CAPN12: variants seen among roughly 807,000 people sequenced by gnomAD.
The protein encoded by CAPN12 is calpain 12.
Under a neutral mutation model 95.0 loss-of-function variants are expected in CAPN12, and 107 were observed. That is an observed-to-expected ratio of 1.13 (90% CI 0.96 to 1.32). The LOEUF (loss-of-function observed/expected upper bound fraction) is 1.32, where lower values mean the gene tolerates loss of function less well. Among genes scored for constraint, CAPN12 ranks in the 40% most tolerant of loss-of-function variants. The pLI, the probability that CAPN12 is intolerant of heterozygous loss-of-function variation, is 0.00. For missense variants in CAPN12, 1,136 were observed against 997.8 expected (o/e 1.14, Z -1.87); for synonymous variants, 505 against 415.5 (o/e 1.22, Z -2.62).
In CAPN12 at chr19:38,730,606, C is replaced by CACT; in HGVS notation, c.*243_*245dup. ...TCTAGGAGAGCCAGGGCAGAGCTAGCACTGTCTTAAGCTGTCAACGTGGAC... is the reference window on the plus strand; with the variant it reads ...TCTAGGAGAGCCAGGGCAGAGCTAGCACTACTGTCTTAAGCTGTCAACGTGGAC... On this transcript the variant is annotated 3_prime_UTR_variant, in exon 21 of 21. Transcript: ENST00000328867. 3 of 591,622 alleles carry CACT rather than the reference C, an allele frequency of 5.1e-6. No individual in the cohort carries two copies. In the South Asian group the frequency reaches 6.0e-5, roughly 12 times the overall value. The allele number at this position is 591,622 out of a possible 1,614,324, so 36.6% of individuals were successfully genotyped here. A position where few individuals can be genotyped will look rare whatever the true frequency, so the allele number is the denominator to read the frequency against.
rs1365159112 is a variant in CAPN12 at position 38,742,974 on chromosome 19, T to A, written c.307+59A>T. ...GTGGGTGGACAAAGGGATGGAGCTG[T>A]CAGGATCTCAGCTGAAACTAGCTGG... On this transcript the variant is annotated intron_variant, in intron 2 of 20. Transcript: ENST00000328867. 5.8e-6 allele frequency: 9 copies of A among 1,543,434 alleles called. No homozygotes were observed. In the East Asian group the frequency reaches 2.0e-4, roughly 35 times the overall value.
intron 3 of CAPN12, chr19:38,742,187 A>G (rs1970584304): frequency 1.6e-6 from 1 of 616,116 alleles, no homozygotes; most frequent in Non-Finnish European, 2.8e-6. Context: ...TTAGCTGGGC[A>G]TGATGGCGGG....
Position 38,736,616 on chromosome 19 carries a change from T to TCGGGGCAGGGGAGAGAGGGGCGTCGGGG in CAPN12, c.1363-54_1363-53insCCCCGACGCCCCTCTCTCCCCTGCCCCG, listed in dbSNP as rs1555849494. 1.2e-4 allele frequency: 162 copies of TCGGGGCAGGGGAGAGAGGGGCGTCGGGG among 1,408,484 alleles called. 3 individuals are homozygous for TCGGGGCAGGGGAGAGAGGGGCGTCGGGG. Among genetic ancestry groups the TCGGGGCAGGGGAGAGAGGGGCGTCGGGG allele is most frequent in the East Asian group, 2.5e-4 (10 of 39,446 alleles). The allele number at this position is 1,408,484 out of a possible 1,614,324, so 87.2% of individuals were successfully genotyped here. Reference sequence around the variant, plus strand: ...GGGGCAGGGGAGAGGTGGCCGCCGCTCAGGGTCTCCTCCCTGCCCCTTCTC... The same window carrying TCGGGGCAGGGGAGAGAGGGGCGTCGGGG: ...GGGGCAGGGGAGAGGTGGCCGCCGCTCGGGGCAGGGGAGAGAGGGGCGTCGGGGCAGGGTCTCCTCCCTGCCCCTTCTC... On this transcript the variant is annotated intron_variant, in intron 10 of 20. Transcript: ENST00000328867.
intron 7 of CAPN12, 31 bp from the exon 8 acceptor site, chr19:38,738,378 G>C (rs1011547555): frequency 1.2e-5 from 20 of 1,611,360 alleles, no homozygotes; most frequent in Non-Finnish European, 1.6e-5. Flanking sequence ...GGGGCGGGCA[G>C]GTGGGGTCCA....
chr19:38,736,680 C>T (rs957072831), intron 10 of CAPN12, 117 bp from the exon 11 acceptor site: 5 of 1,254,264 alleles, frequency 4.0e-6, no homozygotes, highest in Admixed American at 2.6e-5. Flanking sequence ...TCCTATTAGA[C>T]CCTTATTGAA....
chr19:38,737,889 CA>C (rs370352391), intron 8 of CAPN12, among the ~76,000 whole-genome samples: 1 of 152,112 alleles, frequency 6.6e-6, no homozygotes, highest in African/African-American at 2.4e-5. Flanking sequence ...CACCAACCCC[CA>C]AATAGCAAGA....
chr19:38,739,775 T>C, intron 5 of CAPN12: 1 of 313,280 alleles, frequency 3.2e-6, no homozygotes. Context: ...TGGGGGATCC[T>C]TTTATGCCCA....
chr19:38,742,056 T>A, intron 3 of CAPN12, 146 bp from the exon 4 acceptor site: 1 of 1,235,698 alleles, frequency 8.1e-7, no homozygotes, highest in Non-Finnish European at 1.1e-6. Context: ...CCGGGTGCGG[T>A]GGCTCACATC....
At chr19:38,731,350 C>G (rs1465541517) in intron 18 of CAPN12, 127 bp from the exon 19 acceptor site, 1 of 715,962 alleles carries the variant, frequency 1.4e-6, no homozygotes, top group Non-Finnish European at 2.5e-6. Context: ...TGCCCCATCC[C>G]GGCAGGGTGA....
At chr19:38,743,238 AGTT>A in intron 1 of CAPN12, 136 bp from the exon 2 acceptor site, 1 of 937,790 alleles carries the variant, frequency 1.1e-6, no homozygotes. Flanking sequence ...GGTCTCCAGA[AGTT>A]GTGCTGAGCC....
Position 38,736,258 on chromosome 19 carries a change from C to G in CAPN12, c.1435G>C (p.Asp479His). ...HALLPRLLRA[D>H]RSPLSARRDV... ...CGGCGGGCGCTGAGGGGCGAGCGGT[C>G]GGCGCGCAGCAGCCGGGGCAGGAGC... Residue 479 changes from aspartate (D) to histidine (H), a missense_variant, in exon 12 of 21, where the codon GAC becomes CAC. By Grantham distance (81) the Asp-to-His change is moderately conservative. Coordinates refer to ENST00000328867, the MANE Select transcript of CAPN12 (RefSeq NM_144691.4). The G allele has an allele frequency of 6.8e-7, 1 of 1,464,236 alleles. No individual in the cohort carries two copies. The highest frequency in any genetic ancestry group is 9.0e-7 in the Non-Finnish European group (1 of 1,117,006). 90.7% of individuals were successfully genotyped at this position (1,464,236 alleles called of 1,614,324 possible).
chr19:38,735,139 G>C (rs553663695), intron 14 of CAPN12: 1 of 601,902 alleles, frequency 1.7e-6, no homozygotes, highest in African/African-American at 1.9e-5. Context: ...ACCTGAGCCT[G>C]GCTGGAGGTG....
chr19:38,743,893 TCAGACCCCAGAGCC>T (rs1399853237), intron 1 of CAPN12, 22 bp downstream of exon 1: 1 of 1,600,586 alleles, frequency 6.2e-7, no homozygotes, highest in Non-Finnish European at 8.6e-7. Context: ...CCCTCCTCCC[TCAGACCCCAGAGCC>T]CAGACCCCAG....
intron 4 of CAPN12, among the ~76,000 whole-genome samples, chr19:38,741,094 G>A (rs1276541719): frequency 2.6e-5 from 4 of 152,094 alleles, no homozygotes; most frequent in African/African-American, 4.8e-5. Flanking sequence ...TTTTGGGGGT[G>A]CTTTAGATTT....
rs746336964 is a variant in CAPN12, at chr19:38,734,879, G to A, written c.1687-9C>T. The A allele has an allele frequency of 3.1e-6, 5 of 1,612,408 alleles. No individual in the cohort carries two copies. The highest frequency in any genetic ancestry group is 1.3e-5 in the African/African-American group (1 of 74,914). ...GCATTGAGTTCTTCCTCCTAGTCCA[G>A]GAAAGAGGGCTTGTGAGGCCATTTA... is the stretch of plus-strand genomic sequence containing the variant. On this transcript the variant is annotated splice_polypyrimidine_tract_variant and intron_variant, in intron 14 of 20. Coordinates refer to ENST00000328867, the MANE Select transcript of CAPN12 (RefSeq NM_144691.4).
At chr19:38,739,042 G>A (rs1970392288) in intron 5 of CAPN12, 1 of 294,748 alleles carries the variant, frequency 3.4e-6, no homozygotes, top group Admixed American at 4.9e-5. Context: ...TGAGGCAGGA[G>A]GATCCCTTGA....
intron 13 of CAPN12, 28 bp downstream of exon 13, chr19:38,735,474 A>G (rs1410825782): frequency 3.7e-6 from 6 of 1,610,608 alleles, no homozygotes; most frequent in African/African-American, 1.3e-5. Flanking sequence ...TCCCCGCCCC[A>G]TGCCGCCCCT....
intron 1 of CAPN12, among the ~76,000 whole-genome samples, chr19:38,743,406 CGAG>C (rs1882349181): frequency 1.0e-5 from 1 of 96,812 alleles, no homozygotes; most frequent in Non-Finnish European, 2.3e-5. Context: ...GTCCAGGTCC[CGAG>C]CCCCTCCTCC....
chr19:38,730,386 T>G lies in CAPN12; in HGVS notation c.*466A>C, dbSNP rs1969487220. The G allele has an allele frequency of 5.3e-6, 1 of 188,668 alleles. No homozygotes were observed. Among genetic ancestry groups the G allele is most frequent in the African/African-American group, 2.4e-5 (1 of 41,920 alleles). 11.7% of individuals were successfully genotyped at this position (188,668 alleles called of 1,614,324 possible). Reference sequence around the variant, plus strand: ...GGACCCTCCAGAGGTGGAGGTGGGCTGATGGCCTGGCTGCCTGGTGGTTGA... The same window carrying G: ...GGACCCTCCAGAGGTGGAGGTGGGCGGATGGCCTGGCTGCCTGGTGGTTGA... On this transcript the variant is annotated 3_prime_UTR_variant, in exon 21 of 21. Transcript: ENST00000328867.
Sources: gnomAD v4.1 joint callset for allele counts (sites outside exome capture counted in the v4.1 genomes callset) on GRCh38, gnomAD v4.1.1 for gene constraint, MANE v1.5 for transcripts, NCBI Gene and HGNC (gene_info 2026-07-23, HGNC 2026-07-21) for gene names.